UTP14A: variants seen among roughly 807,000 people sequenced by gnomAD.
UTP14A encodes the protein UTP14A small subunit processome component, also known as U3 small nucleolar RNA-associated protein 14 homolog A.
UTP14A carries 5 observed loss-of-function variants against 57.2 expected under a neutral mutation model. The ratio of observed to expected loss-of-function variants is 0.09; its 90% CI spans 0.05 to 0.18. The LOEUF (loss-of-function observed/expected upper bound fraction) is 0.18. Ranked by LOEUF, UTP14A falls within the 10% of genes least tolerant of loss-of-function variation. The probability of loss-of-function intolerance (pLI) is 1.00; values close to 1 mark genes in which losing one functional copy is unlikely to be tolerated. For synonymous variants in UTP14A, 169 were observed against 210.9 expected, an observed-to-expected ratio of 0.80 and a Z score of 1.72; for missense variants, 430 against 562.1, an observed-to-expected ratio of 0.76 and a Z score of 2.38.
intron 10 of UTP14A, 101 bp from the exon 11 acceptor site, chrX:129,921,093 C>A (rs1929891729): frequency 6.2e-6 from 7 of 1,131,273 alleles, no homozygotes; most frequent in African/African-American, 1.8e-5. Flanking sequence ...GAAATACTCA[C>A]CAAGTCAAAT....
chrX:129,926,288 G>T lies in UTP14A; in HGVS notation c.1992G>T (p.Leu664Phe), dbSNP rs1930102614. 3 of 1,211,864 alleles carry T rather than the reference G, an allele frequency of 2.5e-6. No homozygotes were observed. The highest frequency in any genetic ancestry group is 1.8e-5 in the South Asian group (1 of 57,023). The part of the protein sequence containing the change: ...PEGPPRKDKN[L>F]PNVIINEKRN... ...GTCCTCCAAGAAAAGATAAGAATTT[G>T]CCAAATGTGATTATCAATGAGAAGC... The change falls in exon 14 of 15, where the codon TTG (leucine) becomes TTT (phenylalanine). Residue 664 changes from leucine (L) to phenylalanine (F), a missense_variant. Physicochemically the swap from Leu to Phe is conservative, Grantham distance 22 (BLOSUM62 0). This residue lies in a region of UTP14A where 82 missense variants were observed against 151.4 expected (regional missense o/e 0.54). Transcript: ENST00000394422.
intron 1 of UTP14A, among the ~76,000 whole-genome samples, chrX:129,906,746 T>C (rs1929272501): frequency 9.1e-6 from 1 of 109,334 alleles, no homozygotes; most frequent in Non-Finnish European, 1.9e-5. Flanking sequence ...TGGTACATTT[T>C]ATAATTTGTT....
chrX:129,922,005 T>C lies in UTP14A; in HGVS notation c.1348+418T>C, dbSNP rs202138216. ...GTCAATTTTGAGACATTAGGAAACA[T>C]TGTCTAGTTGCTGGATTTTTTTGTT... On this transcript the variant is annotated intron_variant, in intron 11 of 14. Transcript: ENST00000394422. The C allele has an allele frequency of 7.4e-5, 9 of 122,071 alleles. No individual in the cohort carries two copies. The East Asian group carries it at 1.8e-3, about 24-fold the overall frequency. The allele number at this position is 122,071 out of a possible 1,213,427, so 10.1% of individuals were successfully genotyped here. A position where few individuals can be genotyped will look rare whatever the true frequency, so the allele number is the denominator to read the frequency against.
intron 8 of UTP14A, among the ~76,000 whole-genome samples, chrX:129,919,767 T>G (rs946748784): frequency 1.8e-5 from 2 of 112,332 alleles, no homozygotes; most frequent in Admixed American, 1.9e-4. Flanking sequence ...TAGGGCTTCC[T>G]TCCTGCCTTT....
chrX:129,925,508 T>C (rs1331038797), intron 12 of UTP14A, among the ~76,000 whole-genome samples: 2 of 111,571 alleles, frequency 1.8e-5, no homozygotes, highest in Non-Finnish European at 3.8e-5. Context: ...ATTGAACTGT[T>C]GCGAAAGTTT....
rs760217750 is a variant in UTP14A, at chrX:129,923,599, G to A, written c.1349-1196G>A. Reference sequence around the variant, plus strand: ...CAGCCCCTCCAGACTCTTGAGACTAGTGTTATTTGCTCAGATGTTGCCAGT... The same window carrying A: ...CAGCCCCTCCAGACTCTTGAGACTAATGTTATTTGCTCAGATGTTGCCAGT... On this transcript the variant is annotated intron_variant, in intron 11 of 14. Transcript: ENST00000394422. Among the ~76,000 whole-genome samples, 7 of 111,690 alleles carry A rather than the reference G, an allele frequency of 6.3e-5. No individual in the cohort carries two copies. In the Admixed American group the frequency reaches 6.7e-4, roughly 11 times the overall value.
At chrX:129,925,823 A>AG in intron 12 of UTP14A, 96 bp from the exon 13 acceptor site, 1 of 1,042,876 alleles carries the variant, frequency 9.6e-7, no homozygotes, top group East Asian at 3.3e-5. Context: ...ACTTCCCCCT[A>AG]GGGGGCGCTA....
chrX:129,925,181 A>G lies in UTP14A; in HGVS notation c.1735A>G (p.Thr579Ala), dbSNP rs373172796. ...SPSVKSLAVP[T>A]IEELEDEEER... ...CTCCGTGAAGTCTTTGGCAGTTCCC[A>G]CAATAGAGGAGCTGGTGAGCAGAGC... Residue 579 changes from threonine to alanine, a missense_variant, in exon 12 of 15, where the codon ACA (threonine) becomes GCA (alanine). This residue lies in a region of UTP14A where 120 missense variants were observed against 116.8 expected (regional missense o/e 1.03). Coordinates refer to ENST00000394422, the MANE Select transcript of UTP14A (RefSeq NM_006649.4). 2 of 1,205,098 alleles carry G rather than the reference A, an allele frequency of 1.7e-6. No individual in the cohort carries two copies. Among genetic ancestry groups the G allele is most frequent in the Admixed American group, 2.2e-5 (1 of 44,728 alleles).
chrX:129,918,294 G>C (rs1929762264), intron 6 of UTP14A, among the ~76,000 whole-genome samples: 1 of 107,324 alleles, frequency 9.3e-6, no homozygotes, highest in South Asian at 4.2e-4. Context: ...GGCTGAGGCA[G>C]AAGGATCACT....
chrX:129,909,296 G>A (rs1391234203), intron 4 of UTP14A, among the ~76,000 whole-genome samples: 7 of 98,249 alleles, frequency 7.1e-5, no homozygotes, highest in South Asian at 5.3e-4. Flanking sequence ...TGCAAACTCC[G>A]CCTCCCAGGT....
Position 129,929,719 on chromosome X carries a change from C to T in UTP14A, c.*111C>T. 1.1e-6 allele frequency: 1 copy of T among 944,785 alleles called. No individual in the cohort carries two copies. The highest frequency in any genetic ancestry group is 1.4e-6 in the Non-Finnish European group (1 of 693,716). 77.9% of individuals were successfully genotyped at this position (944,785 alleles called of 1,213,427 possible). A position where few individuals can be genotyped will look rare whatever the true frequency, so the allele number is the denominator to read the frequency against. ...GCTCAGTACATTGCATGTAGTTAAG[C>T]CACATTTTAAAAATAAAGGCATTTT... On this transcript the variant is annotated 3_prime_UTR_variant, in exon 15 of 15. Transcript: ENST00000394422.
chrX:129,910,819 G>A (rs778600166), intron 4 of UTP14A, among the ~76,000 whole-genome samples, 189 bp from the exon 5 acceptor site: 32 of 112,861 alleles, frequency 2.8e-4, no homozygotes, highest in African/African-American at 9.6e-4. Flanking sequence ...CCCCTAACAC[G>A]TTTGGGGATG....
chrX:129,914,521 G>A (rs1293133282), intron 6 of UTP14A, among the ~76,000 whole-genome samples: 1 of 108,380 alleles, frequency 9.2e-6, no homozygotes, highest in Non-Finnish European at 1.9e-5. Context: ...AAGGTACAGT[G>A]AGCCGAGATC....
At chrX:129,918,052 G>T (rs1245803680) in intron 6 of UTP14A, among the ~76,000 whole-genome samples, 1 of 111,756 alleles carries the variant, frequency 8.9e-6, no homozygotes, top group Non-Finnish European at 1.9e-5. Context: ...GCAGATATAT[G>T]TCCTAGGTAT....
chrX:129,906,998 G>A (rs143601358), intron 1 of UTP14A, among the ~76,000 whole-genome samples: 1 of 110,729 alleles, frequency 9.0e-6, no homozygotes, highest in Non-Finnish European at 1.9e-5. Flanking sequence ...TTATTCTAGG[G>A]TCTGACATTT....
chrX:129,910,931 A>G, intron 4 of UTP14A, 77 bp from the exon 5 acceptor site: 1 of 1,140,907 alleles, frequency 8.8e-7, no homozygotes, highest in Non-Finnish European at 1.2e-6. Context: ...GGCATTTTCT[A>G]CTGAGGCTTC....
rs1603000049 is a variant in UTP14A at position 129,911,274 on chromosome X, T to A, written c.381+124T>A. 3 of 921,662 alleles carry A rather than the reference T, an allele frequency of 3.3e-6. No individual in the cohort carries two copies. The Admixed American group carries it at 1.0e-4, about 31-fold the overall frequency. The allele number at this position is 921,662 out of a possible 1,213,427, so 76.0% of individuals were successfully genotyped here. On this transcript the variant is annotated intron_variant, in intron 5 of 14. Coordinates refer to ENST00000394422, the MANE Select transcript of UTP14A (RefSeq NM_006649.4). Reference sequence around the variant, plus strand: ...AGGGGGAGTTGTGATTTCCCCACTATGGATAAGATTAAAAATAATCTAGGA... The same window carrying A: ...AGGGGGAGTTGTGATTTCCCCACTAAGGATAAGATTAAAAATAATCTAGGA...
At chrX:129,908,183 T>G in intron 3 of UTP14A, 53 bp downstream of exon 3, 1 of 1,034,729 alleles carries the variant, frequency 9.7e-7, no homozygotes, top group Non-Finnish European at 1.3e-6. Flanking sequence ...GTGAGATTTC[T>G]CTGCAGCTAA....
At chrX:129,920,188 A>T (rs1161904213) in intron 8 of UTP14A, among the ~76,000 whole-genome samples, 1 of 95,867 alleles carries the variant, frequency 1.0e-5, no homozygotes, top group African/African-American at 4.9e-5. Context: ...GACCCTGTCT[A>T]AAAAAAAAAA....
Sources: gnomAD v4.1 joint callset for allele counts (sites outside exome capture counted in the v4.1 genomes callset) on GRCh38, gnomAD v4.1.1 for gene constraint, gnomAD v4.1.1 regional missense constraint, MANE v1.5 for transcripts, NCBI Gene and HGNC (gene_info 2026-07-23, HGNC 2026-07-21) for gene names.